The following RPTOR variants were observed in gnomAD, a reference collection of about 807,000 sequenced individuals.
The protein encoded by RPTOR is regulatory-associated protein of mTOR.
Under a neutral mutation model 169.9 loss-of-function variants are expected in RPTOR, and 21 were observed. The observed-to-expected ratio is 0.12, with a 90% confidence interval of 0.09 to 0.18. The LOEUF (loss-of-function observed/expected upper bound fraction) is 0.18, where lower values mean the gene tolerates loss of function less well. Among genes scored for constraint, RPTOR ranks in the 10% least tolerant of loss-of-function variants. RPTOR has a pLI of 1.00. For missense variants in RPTOR, 1,133 were observed against 1,855.9 expected (o/e 0.61, Z 7.16); for synonymous variants, 732 against 753.2 (o/e 0.97, Z 0.46).
intron 24 of RPTOR, among the ~76,000 whole-genome samples, chr17:80,934,840 C>T (rs1030064657): frequency 2.0e-5 from 3 of 152,048 alleles, no homozygotes; most frequent in African/African-American, 4.8e-5. Context: ...GATATCAAAA[C>T]CAAAGATATC....
chr17:80,906,606 G>T (rs2068545880), intron 20 of RPTOR, among the ~76,000 whole-genome samples: 1 of 152,232 alleles, frequency 6.6e-6, no homozygotes, highest in South Asian at 2.1e-4. Context: ...CGCAGGGGAC[G>T]TGTCCCTGGG....
At position 80,833,787 on chromosome 17, in the gene RPTOR, C is replaced by G. The variant is rs867049260; in HGVS notation, c.1137-4135C>G. ...GGCAGATCACCTGAGGTCAGGAGTTCGAGACCCGCCTGACCAACATGGTGA... is the reference window on the plus strand; with the variant it reads ...GGCAGATCACCTGAGGTCAGGAGTTGGAGACCCGCCTGACCAACATGGTGA... On this transcript the variant is annotated intron_variant, in intron 9 of 33. Coordinates refer to ENST00000306801, the MANE Select transcript of RPTOR (RefSeq NM_020761.3). Among the ~76,000 whole-genome samples, 29 of 152,286 alleles carry G rather than the reference C, an allele frequency of 1.9e-4. No individual in the cohort carries two copies. In the Middle Eastern group the frequency reaches 0.014, roughly 71 times the overall value.
chr17:80,705,034 C>CAGGCAGGGA (rs1477615782), intron 3 of RPTOR, among the ~76,000 whole-genome samples: 1 of 152,254 alleles, frequency 6.6e-6, no homozygotes, highest in Non-Finnish European at 1.5e-5. Context: ...GCAGGTGACA[C>CAGGCAGGGA]GCTGCCTCCC....
intron 1 of RPTOR, among the ~76,000 whole-genome samples, chr17:80,597,446 A>G (rs1443829506): frequency 3.9e-5 from 6 of 152,148 alleles, no homozygotes; most frequent in Non-Finnish European, 7.4e-5. Context: ...AGGAATCTCA[A>G]CCTTATATTG....
intron 4 of RPTOR, among the ~76,000 whole-genome samples, chr17:80,727,386 C>T (rs62067917): frequency 0.011 from 1,683 of 150,038 alleles, 20 homozygotes; most frequent in Middle Eastern, 0.046. Flanking sequence ...TCATGTCATG[C>T]TCTGAGAACA....
intron 16 of RPTOR, among the ~76,000 whole-genome samples, chr17:80,884,235 A>G (rs2068216941): frequency 2.0e-5 from 3 of 152,204 alleles, no homozygotes; most frequent in Admixed American, 6.5e-5. Context: ...GGCAGGGGTC[A>G]CGTGCTCGCT....
At chr17:80,821,465 A>G (rs1014624793) in intron 7 of RPTOR, among the ~76,000 whole-genome samples, 5 of 152,194 alleles carry the variant, frequency 3.3e-5, no homozygotes, top group African/African-American at 9.7e-5. Flanking sequence ...ACTTAGAATA[A>G]TGGCCTCCAG....
intron 1 of RPTOR, among the ~76,000 whole-genome samples, chr17:80,573,584 G>A (rs889233290): frequency 6.6e-6 from 1 of 152,166 alleles, no homozygotes; most frequent in Non-Finnish European, 1.5e-5. Context: ...GTATATAAGA[G>A]TAAAAATTAT....
At chr17:80,962,714 C>T (rs1183692507) in intron 32 of RPTOR, 137 bp downstream of exon 32, 6 of 1,096,990 alleles carry the variant, frequency 5.5e-6, no homozygotes, top group South Asian at 1.5e-5. Flanking sequence ...GACATAAAAA[C>T]AAAAGATGTC....
chr17:80,581,337 T>A (rs1441961430), intron 1 of RPTOR, among the ~76,000 whole-genome samples: 1 of 152,260 alleles, frequency 6.6e-6, no homozygotes, highest in East Asian at 1.9e-4. Context: ...ATTGCGTAAA[T>A]GCAGGTAAAC....
chr17:80,700,889 G>A (rs1435726562), intron 3 of RPTOR, among the ~76,000 whole-genome samples: 1 of 151,624 alleles, frequency 6.6e-6, no homozygotes, highest in African/African-American at 2.4e-5. Flanking sequence ...GCTTGACCTG[G>A]GTATTGATAG....
rs556708437 is a variant in RPTOR at position 80,964,515 on chromosome 17, A to G, written c.*185A>G. ...GTCTGTCTTCGCTGTCGTGTCTGGA[A>G]TGTCAGGGAAGGGGAGGGCTCGGGT... On this transcript the variant is annotated 3_prime_UTR_variant, in exon 34 of 34. Coordinates refer to ENST00000306801, the MANE Select transcript of RPTOR (RefSeq NM_020761.3). The G allele has an allele frequency of 9.6e-6, 6 of 627,296 alleles. No homozygotes were observed. The East Asian group carries it at 1.4e-4, about 15-fold the overall frequency. The allele number at this position is 627,296 out of a possible 1,614,324, so 38.9% of individuals were successfully genotyped here.
Position 80,584,603 on chromosome 17 carries a change from C to G in RPTOR, c.162+38812C>G, listed in dbSNP as rs563717227. Among the ~76,000 whole-genome samples, 14 of 152,296 alleles carry G rather than the reference C, an allele frequency of 9.2e-5. No individual in the cohort carries two copies. The South Asian group carries it at 2.7e-3, about 29-fold the overall frequency. ...GTCTCAATAAAATGGCAGAGAAAGT[C>G]CTTTTCCTGTGTTTCATTTTTCCCA... On this transcript the variant is annotated intron_variant, in intron 1 of 33. Transcript: ENST00000306801.
intron 3 of RPTOR, among the ~76,000 whole-genome samples, chr17:80,700,740 T>A (rs1322507390): frequency 2.1e-5 from 1 of 46,944 alleles, no homozygotes; most frequent in Non-Finnish European, 5.7e-5. Flanking sequence ...ATGATGGTGG[T>A]GGTGGTGGTG....
intron 3 of RPTOR, among the ~76,000 whole-genome samples, chr17:80,669,006 G>A (rs771309125): frequency 2.0e-4 from 30 of 152,202 alleles, no homozygotes; most frequent in Non-Finnish European, 4.0e-4. Flanking sequence ...TCACACCACA[G>A]AGGCTGGAGA....
chr17:80,656,237 A>C (rs575107734), intron 3 of RPTOR, among the ~76,000 whole-genome samples: 78 of 152,048 alleles, frequency 5.1e-4, no homozygotes, highest in Non-Finnish European at 9.3e-4. Context: ...CACCCGGCTA[A>C]TTTTTGTATT....
At chr17:80,923,229 G>A (rs1428908953) in intron 22 of RPTOR, among the ~76,000 whole-genome samples, 2 of 152,214 alleles carry the variant, frequency 1.3e-5, no homozygotes, top group Non-Finnish European at 2.9e-5. Flanking sequence ...AGCTGGGTTC[G>A]TCCTGTCCGC....
intron 1 of RPTOR, among the ~76,000 whole-genome samples, chr17:80,588,442 TG>T (rs2065080185): frequency 6.6e-6 from 1 of 151,946 alleles, no homozygotes; most frequent in Non-Finnish European, 1.5e-5. Context: ...ATTACAGGAG[TG>T]AGCCACCACG....
chr17:80,926,683 A>G (rs1358651667), intron 24 of RPTOR, among the ~76,000 whole-genome samples: 2 of 152,376 alleles, frequency 1.3e-5, no homozygotes, highest in South Asian at 2.1e-4. Context: ...AAAAGAAAAA[A>G]TGCAAAATGC....
Sources: gnomAD v4.1 joint callset for allele counts (sites outside exome capture counted in the v4.1 genomes callset) on GRCh38, gnomAD v4.1.1 for gene constraint, MANE v1.5 for transcripts, NCBI Gene and HGNC (gene_info 2026-07-23, HGNC 2026-07-21) for gene names.